Variants in NBEA observed in about 807,000 individuals in gnomAD.
The protein encoded by NBEA is neurobeachin.
In NBEA, 44 loss-of-function variants were observed where a neutral mutation model predicts 343.4. That is an observed-to-expected ratio of 0.13 (90% CI 0.10 to 0.16). The LOEUF (loss-of-function observed/expected upper bound fraction) is 0.16. NBEA is among the 10% of genes least tolerant of loss of function. The pLI is 1.00. For synonymous variants in NBEA, 1,175 were observed against 1,238.7 expected (o/e 0.95, Z 1.08); for missense variants, 2,555 against 3,631.3 (o/e 0.70, Z 7.62).
chr13:35,463,577 G>A (rs1461973), intron 40 of NBEA, among the ~76,000 whole-genome samples: 4,551 of 151,984 alleles, frequency 0.03, 108 homozygotes, highest in Non-Finnish European at 0.045. Context: ...GTGTGATGGC[G>A]CCACTGCACT....
At chr13:35,023,326 A>G (rs763715252) in intron 1 of NBEA, among the ~76,000 whole-genome samples, 1 of 152,188 alleles carries the variant, frequency 6.6e-6, no homozygotes, top group Non-Finnish European at 1.5e-5. Context: ...GAAGTCACCT[A>G]CAGGTCAGAT....
chr13:35,559,056 T>A (rs763241018), intron 44 of NBEA, among the ~76,000 whole-genome samples: 4 of 152,226 alleles, frequency 2.6e-5, no homozygotes, highest in Non-Finnish European at 4.4e-5. Flanking sequence ...TTCCTATTAA[T>A]TTAATTCTTC....
intron 36 of NBEA, among the ~76,000 whole-genome samples, chr13:35,313,423 CTATT>C (rs2037502440): frequency 6.6e-6 from 1 of 152,120 alleles, no homozygotes; most frequent in South Asian, 2.1e-4. Flanking sequence ...AATGAAATAT[CTATT>C]TATTTGCCCT....
intron 41 of NBEA, among the ~76,000 whole-genome samples, chr13:35,492,157 G>T (rs976242731): frequency 3.3e-5 from 5 of 151,894 alleles, no homozygotes; most frequent in Non-Finnish European, 7.4e-5. Context: ...GGATGCAAAG[G>T]CATAACAATG....
At chr13:35,191,914 C>T (rs964783406) in intron 30 of NBEA, among the ~76,000 whole-genome samples, 9 of 151,750 alleles carry the variant, frequency 5.9e-5, no homozygotes, top group African/African-American at 1.7e-4. Context: ...GTGAAGTCAC[C>T]GTGTAAATAT....
chr13:35,555,076 A>G lies in NBEA; in HGVS notation c.6896A>G (p.Tyr2299Cys). 6.2e-7 allele frequency: 1 copy of G among 1,605,034 alleles called. No individual in the cohort carries two copies. The highest frequency in any genetic ancestry group is 8.5e-7 in the Non-Finnish European group (1 of 1,172,506). ...WQRREISNFE[Y>C]LMFLNTIAGR... ...AGAAGGGAAATTTCAAACTTCGAATATTTGATGTTCCTTAATACTATTGCA... is the reference window on the plus strand; with the variant it reads ...AGAAGGGAAATTTCAAACTTCGAATGTTTGATGTTCCTTAATACTATTGCA... Residue 2299 changes from tyrosine (Y) to cysteine (C), a missense_variant, in exon 44 of 59, where the codon TAT becomes TGT. Tyr to Cys is a radical substitution (Grantham distance 194). This residue lies in a region of NBEA where 38 missense variants were observed against 97.2 expected (regional missense o/e 0.39). Coordinates refer to ENST00000379939, the MANE Select transcript of NBEA (RefSeq NM_001385012.1).
chr13:35,657,265 A>G (rs1226602887), intron 55 of NBEA, among the ~76,000 whole-genome samples: 1 of 152,240 alleles, frequency 6.6e-6, no homozygotes, highest in Non-Finnish European at 1.5e-5. Flanking sequence ...GTAAAATAGC[A>G]TATGCCTCTT....
chr13:35,430,163 G>A (rs1271058792), intron 38 of NBEA, among the ~76,000 whole-genome samples: 2 of 151,972 alleles, frequency 1.3e-5, no homozygotes, highest in African/African-American at 4.8e-5. Context: ...TCTTGGAGGA[G>A]CGTGGTGGTA....
chr13:35,119,495 A>G (rs2066674805), intron 16 of NBEA, among the ~76,000 whole-genome samples: 1 of 152,190 alleles, frequency 6.6e-6, no homozygotes. Flanking sequence ...CAGTTGTGAT[A>G]TGAGTATTAC....
At chr13:35,483,833 A>C (rs557512268) in intron 41 of NBEA, among the ~76,000 whole-genome samples, 19 of 152,212 alleles carry the variant, frequency 1.2e-4, no homozygotes, top group African/African-American at 4.1e-4. Context: ...ATGGTTTGCA[A>C]AATAGCCCAT....
At chr13:35,048,491 G>A (rs2062943745) in intron 4 of NBEA, 72 bp from the exon 5 acceptor site, 2 of 1,375,046 alleles carry the variant, frequency 1.5e-6, no homozygotes, top group Admixed American at 2.3e-5. Context: ...ATCTGCAAAA[G>A]CCATATTTGA....
At chr13:35,204,679 G>A (rs1391705611) in intron 31 of NBEA, among the ~76,000 whole-genome samples, 1 of 149,822 alleles carries the variant, frequency 6.7e-6, no homozygotes, top group African/African-American at 2.5e-5. Context: ...TATCCGTCAG[G>A]ATGAATAGCA....
chr13:35,575,249 T>G (rs1262451258), intron 45 of NBEA, among the ~76,000 whole-genome samples: 3 of 152,188 alleles, frequency 2.0e-5, no homozygotes, highest in Non-Finnish European at 4.4e-5. Flanking sequence ...ACTGATTTGC[T>G]GAAGTTCATC....
At chr13:35,611,722 G>C (rs1199170011) in intron 48 of NBEA, among the ~76,000 whole-genome samples, 1 of 152,146 alleles carries the variant, frequency 6.6e-6, no homozygotes, top group African/African-American at 2.4e-5. Flanking sequence ...ATTCACCCAT[G>C]TTGTAGCATG....
rs2059072398 is a variant in NBEA, at chr13:34,942,885, T to C, written c.65T>C (p.Val22Ala). ...LEPQPVGLIA[V>A]GAAGGGGGGS... Reference sequence around the variant, plus strand: ...CCTCAGCCCGTGGGGCTCATTGCCGTCGGGGCCGCTGGCGGAGGCGGCGGG... The same window carrying C: ...CCTCAGCCCGTGGGGCTCATTGCCGCCGGGGCCGCTGGCGGAGGCGGCGGG... The change falls in exon 1 of 59, where the codon GTC (valine) becomes GCC (alanine). Residue 22 changes from valine to alanine, a missense_variant. This residue lies in a region of NBEA where 122 missense variants were observed against 91.0 expected (regional missense o/e 1.34). Transcript: ENST00000379939. 1 of 1,443,210 alleles carries C rather than the reference T, an allele frequency of 6.9e-7. No homozygotes were observed. Among genetic ancestry groups the C allele is most frequent in the Non-Finnish European group, 9.2e-7 (1 of 1,089,996 alleles). The allele number at this position is 1,443,210 out of a possible 1,614,324, so 89.4% of individuals were successfully genotyped here. A position where few individuals can be genotyped will look rare whatever the true frequency, so the allele number is the denominator to read the frequency against.
chr13:35,664,176 A>T (rs2085239688), intron 55 of NBEA, among the ~76,000 whole-genome samples: 1 of 152,204 alleles, frequency 6.6e-6, no homozygotes, highest in African/African-American at 2.4e-5. Context: ...TAAGTGCCAA[A>T]GAAGGGGCTA....
Position 35,672,434 on chromosome 13 carries a change from C to A in NBEA, c.*1443C>A, listed in dbSNP as rs2085649943. On this transcript the variant is annotated 3_prime_UTR_variant, in exon 59 of 59. Coordinates refer to ENST00000379939, the MANE Select transcript of NBEA (RefSeq NM_001385012.1). Reference sequence around the variant, plus strand: ...TCCACCTTGTACTAGTAAGTTTTAGCACTGAATTCCTTCTTCACTGTTGTT... The same window carrying A: ...TCCACCTTGTACTAGTAAGTTTTAGAACTGAATTCCTTCTTCACTGTTGTT... 1 of 152,630 alleles carries A rather than the reference C, an allele frequency of 6.6e-6. No homozygotes were observed. The highest frequency in any genetic ancestry group is 2.4e-5 in the African/African-American group (1 of 41,454). The allele number at this position is 152,630 out of a possible 1,614,324, so 9.5% of individuals were successfully genotyped here. A position where few individuals can be genotyped will look rare whatever the true frequency, so the allele number is the denominator to read the frequency against.
At chr13:34,969,684 G>T (rs1481722015) in intron 1 of NBEA, among the ~76,000 whole-genome samples, 3 of 151,842 alleles carry the variant, frequency 2.0e-5, no homozygotes, top group African/African-American at 7.3e-5. Context: ...GAGGATAATG[G>T]CCTCCAGCTC....
At chr13:35,515,888 T>C (rs1411182861) in intron 41 of NBEA, among the ~76,000 whole-genome samples, 1 of 152,182 alleles carries the variant, frequency 6.6e-6, no homozygotes, top group East Asian at 1.9e-4. Flanking sequence ...GGCCAATTAC[T>C]CCAAAGCACA....
Sources: gnomAD v4.1 joint callset for allele counts (sites outside exome capture counted in the v4.1 genomes callset) on GRCh38, gnomAD v4.1.1 for gene constraint, gnomAD v4.1.1 regional missense constraint, MANE v1.5 for transcripts, NCBI Gene and HGNC (gene_info 2026-07-23, HGNC 2026-07-21) for gene names.